Variants in PRR14L observed in about 807,000 individuals in gnomAD.
The protein encoded by PRR14L is protein PRR14L.
A neutral mutation model predicts 155.0 loss-of-function variants in PRR14L; 80 were observed. The ratio of observed to expected loss-of-function variants is 0.52; its 90% CI spans 0.43 to 0.62. The LOEUF (loss-of-function observed/expected upper bound fraction) is 0.62. Among genes scored for constraint, PRR14L ranks in the 20% least tolerant of loss-of-function variants. The pLI, the probability that PRR14L is intolerant of heterozygous loss-of-function variation, is 0.00. For synonymous variants in PRR14L, 883 were observed against 916.0 expected (o/e 0.96, Z 0.65); for missense variants, 2,469 against 2,548.0 (o/e 0.97, Z 0.67).
At position 31,713,031 on chromosome 22, in the gene PRR14L, C is replaced by A; in HGVS notation, c.4808G>T (p.Ser1603Ile). ...TTTGGTAGTCTTCCTAAAATTCAGG[C>A]TCCTCAAGGGATGGCACGGTGTAGA... ...QMSTPCHPLR[S>I]LNFRKTTKES... is the part of the protein sequence containing the mutation. The change falls in exon 4 of 9, where the codon AGC (serine) becomes ATC (isoleucine). Residue 1603 changes from serine (S) to isoleucine (I), a missense_variant. By Grantham distance (142) the Ser-to-Ile change is moderately radical. Around this residue, in one of 2 missense-constraint regions of PRR14L, gnomAD observed 2,363 missense variants for 2,371.6 expected, o/e 1.00. Coordinates refer to ENST00000327423, the MANE Select transcript of PRR14L (RefSeq NM_173566.3). 6.4e-7 allele frequency: 1 copy of A among 1,552,274 alleles called. No homozygotes were observed. The highest frequency in any genetic ancestry group is 8.7e-7 in the Non-Finnish European group (1 of 1,147,132).
chr22:31,714,244 CT>C lies in PRR14L; in HGVS notation c.3594del (p.Gly1199AspfsTer4). The C allele has an allele frequency of 6.4e-7, 1 of 1,551,446 alleles. No homozygotes were observed. ...TCAGAGTTTGGTTCTAGTCTTGATC[CT>C]TCAGTCATTTCTTGTGTTTCTCTGA... ...TSLRETQEMT[E>X]GSRLEPNSEF... On this transcript the variant is annotated frameshift_variant, in exon 4 of 9. Transcript: ENST00000327423. LOFTEE classifies it high-confidence loss of function.
rs1053143065 is a variant in PRR14L at position 31,735,298 on chromosome 22, A to G, written c.474+3089T>C. Among the ~76,000 whole-genome samples the G allele has an allele frequency of 5.9e-5, 9 of 152,248 alleles. 1 individual carries two copies. The highest frequency in any genetic ancestry group is 1.9e-4 in the African/African-American group (8 of 41,554). On this transcript the variant is annotated intron_variant, in intron 2 of 8. Coordinates refer to ENST00000327423, the MANE Select transcript of PRR14L (RefSeq NM_173566.3). ...ACTAAAAAAATACAAAAATTTAGCC[A>G]GGCGTCATGGCGGGCGCCTGTAGTC...
chr22:31,714,503 A>T lies in PRR14L; in HGVS notation c.3336T>A (p.Asp1112Glu). The part of the protein sequence containing the change: ...DAAHTGTTGQ[D>E]SDFPVTAAST... ...AAGCAGCAGTAACTGGGAAATCTGA[A>T]TCCTGACCAGTTGTTCCTGTATGTG... The change falls in exon 4 of 9, where the codon GAT (aspartate) becomes GAA (glutamate). Residue 1112 changes from aspartate (D) to glutamate (E), a missense_variant. Asp to Glu is a conservative substitution (Grantham distance 45, BLOSUM62 2). Coordinates refer to ENST00000327423, the MANE Select transcript of PRR14L (RefSeq NM_173566.3). 6.4e-7 allele frequency: 1 copy of T among 1,552,158 alleles called. No homozygotes were observed. The highest frequency in any genetic ancestry group is 8.7e-7 in the Non-Finnish European group (1 of 1,147,096).
intron 1 of PRR14L, among the ~76,000 whole-genome samples, chr22:31,745,863 T>C (rs9609358): frequency 1.0e-4 from 14 of 139,830 alleles, no homozygotes; most frequent in African/African-American, 3.7e-4. Context: ...AAAAAAAAAA[T>C]ATATATATAT....
intron 2 of PRR14L, among the ~76,000 whole-genome samples, chr22:31,735,748 T>C (rs1663150269): frequency 6.6e-6 from 1 of 151,728 alleles, no homozygotes; most frequent in African/African-American, 2.4e-5. Context: ...TTTAACTGTA[T>C]TTTTAAAAGA....
At chr22:31,696,176 C>T (rs926129974) in intron 7 of PRR14L, among the ~76,000 whole-genome samples, 1 of 150,242 alleles carries the variant, frequency 6.7e-6, no homozygotes, top group Non-Finnish European at 1.5e-5. Context: ...GGGTCTTGCT[C>T]TATTGCCCAG....
Position 31,715,457 on chromosome 22 carries a change from A to G in PRR14L, c.2382T>C (p.Asn794=), listed in dbSNP as rs1314977136. 8 of 1,552,314 alleles carry G rather than the reference A, an allele frequency of 5.2e-6. No individual in the cohort carries two copies. The highest frequency in any genetic ancestry group is 2.4e-5 in the East Asian group (1 of 40,924). Residue 794 remains asparagine, a synonymous_variant, in exon 4 of 9, where the codon AAT becomes AAC. Transcript: ENST00000327423. Reference sequence around the variant, plus strand: ...CAGAACACATGTTTTCCTGGGATACATTTTTTCTTACACGATGACAGCTAG... The same window carrying G: ...CAGAACACATGTTTTCCTGGGATACGTTTTTTCTTACACGATGACAGCTAG... The part of the protein sequence containing the change: ...DISSCHRVRK[N]VSQENMCSAS...
In PRR14L at chr22:31,722,362, G is replaced by A. The variant is rs531146975; in HGVS notation, c.547+3176C>T. Among the ~76,000 whole-genome samples the A allele has an allele frequency of 4.4e-3, 661 of 151,310 alleles. 4 individuals are homozygous for A. The highest frequency in any genetic ancestry group is 7.7e-3 in the Non-Finnish European group (519 of 67,820). On this transcript the variant is annotated intron_variant, in intron 3 of 8. Transcript: ENST00000327423. ...GGAGAATTGCTTGAACCCGGCAGGC[G>A]GAGGTTGCAGTAAGCCAAGATCGTG... is the stretch of plus-strand genomic sequence containing the variant.
chr22:31,728,066 G>A (rs148381870), intron 2 of PRR14L, among the ~76,000 whole-genome samples: 47 of 151,948 alleles, frequency 3.1e-4, no homozygotes, highest in African/African-American at 1.0e-3. Context: ...TCCCCCAACA[G>A]CCTTACCATG....
At position 31,724,648 on chromosome 22, in the gene PRR14L, C is replaced by G. The variant is rs539547189; in HGVS notation, c.547+890G>C. Among the ~76,000 whole-genome samples, 7 of 152,268 alleles carry G rather than the reference C, an allele frequency of 4.6e-5. No individual in the cohort carries two copies. The South Asian group carries it at 8.3e-4, about 18-fold the overall frequency. On this transcript the variant is annotated intron_variant, in intron 3 of 8. Coordinates refer to ENST00000327423, the MANE Select transcript of PRR14L (RefSeq NM_173566.3). ...CTTGGACTTAAGCAATCCTCCCACC[C>G]TGGCCTCCCAAAGTGCTGGGATTAC...
chr22:31,703,186 G>C (rs2074571876), intron 6 of PRR14L, among the ~76,000 whole-genome samples: 1 of 152,180 alleles, frequency 6.6e-6, no homozygotes, highest in African/African-American at 2.4e-5. Context: ...TTCAGATATT[G>C]AGACTGTCAA....
chr22:31,727,954 G>A (rs2074726229), intron 2 of PRR14L, among the ~76,000 whole-genome samples: 2 of 151,430 alleles, frequency 1.3e-5, no homozygotes, highest in African/African-American at 4.9e-5. Flanking sequence ...ACTCCAGCCT[G>A]GGCAACAAAG....
rs1569499168 is a variant in PRR14L, at chr22:31,718,252, TTTTTG to T, written c.548-966_548-962del. Among the ~76,000 whole-genome samples, 62 of 129,874 alleles carry T rather than the reference TTTTTG, an allele frequency of 4.8e-4. 1 individual carries two copies. In the South Asian group the frequency reaches 9.1e-3, roughly 19 times the overall value. 85.2% of individuals were successfully genotyped at this position (129,874 alleles called of 152,430 possible). ...CCGCCCAGCTAATTTTTTGGGGGGGTTTTTGTTTTTGTTTTTGTTTTGAGACAGAG... is the reference window on the plus strand; with the variant it reads ...CCGCCCAGCTAATTTTTTGGGGGGGTTTTTTGTTTTTGTTTTGAGACAGAG... On this transcript the variant is annotated intron_variant, in intron 3 of 8. Transcript: ENST00000327423.
chr22:31,719,425 A>C (rs2074678637), intron 3 of PRR14L, among the ~76,000 whole-genome samples: 3 of 151,962 alleles, frequency 2.0e-5, no homozygotes, highest in Admixed American at 2.0e-4. Context: ...AAAAAAAGAA[A>C]AAAAAAAAAG....
rs182752065 is a variant in PRR14L at position 31,702,599 on chromosome 22, T to C, written c.6001-837A>G. ...GGTGCAATCCAGGCTCACTGCAACTTCCACCTCCTGGGTTTAAGCGAATCT... is the reference window on the plus strand; with the variant it reads ...GGTGCAATCCAGGCTCACTGCAACTCCCACCTCCTGGGTTTAAGCGAATCT... On this transcript the variant is annotated intron_variant, in intron 6 of 8. Coordinates refer to ENST00000327423, the MANE Select transcript of PRR14L (RefSeq NM_173566.3). 1.9e-3 allele frequency among the ~76,000 whole-genome samples: 286 copies of C among 152,172 alleles called. 1 individual carries two copies. Among genetic ancestry groups the C allele is most frequent in the African/African-American group, 6.0e-3 (251 of 41,512 alleles).
chr22:31,686,091 T>C (rs1165565776), intron 8 of PRR14L, among the ~76,000 whole-genome samples: 1 of 150,484 alleles, frequency 6.6e-6, no homozygotes, highest in African/African-American at 2.5e-5. Flanking sequence ...TGTGTCACTA[T>C]GCCAGGTTAA....
chr22:31,725,666 A>T (rs1741347724), intron 2 of PRR14L, 56 bp from the exon 3 acceptor site: 1 of 971,208 alleles, frequency 1.0e-6, no homozygotes. Context: ...GAGTTAATGA[A>T]TATTATTATT....
chr22:31,741,732 C>T (rs1184652529), intron 1 of PRR14L, among the ~76,000 whole-genome samples: 5 of 151,934 alleles, frequency 3.3e-5, no homozygotes, highest in Admixed American at 3.3e-4. Flanking sequence ...ATTAGCTGGG[C>T]ATGATGGCAG....
chr22:31,706,253 C>T (rs907589380), intron 4 of PRR14L, among the ~76,000 whole-genome samples: 1 of 150,408 alleles, frequency 6.6e-6, no homozygotes, highest in African/African-American at 2.4e-5. Context: ...ATTGCTTGAA[C>T]CCGGGAGGGT....
Sources: allele counts gnomAD v4.1 joint callset (sites outside exome capture counted in the v4.1 genomes callset), GRCh38; gene constraint gnomAD v4.1.1; regional missense constraint gnomAD v4.1.1; transcripts MANE v1.5; gene names NCBI Gene and HGNC (gene_info 2026-07-23, HGNC 2026-07-21).